DPP6: variants seen among roughly 807,000 people sequenced by gnomAD.
DPP6 encodes A-type potassium channel modulatory protein DPP6.
In DPP6, 69 loss-of-function variants were observed where a neutral mutation model predicts 122.6. That is an observed-to-expected ratio of 0.56 (90% CI 0.46 to 0.69). DPP6 has a LOEUF of 0.69. DPP6 is among the 30% of genes least tolerant of loss of function. DPP6 has a pLI of 0.00. For synonymous variants in DPP6, 418 were observed against 433.1 expected, an observed-to-expected ratio of 0.97 and a Z score of 0.43; for missense variants, 928 against 1,116.9, an observed-to-expected ratio of 0.83 and a Z score of 2.41.
intron 1 of DPP6, among the ~76,000 whole-genome samples, chr7:153,973,109 C>A (rs561665810): frequency 1.3e-4 from 20 of 151,694 alleles, no homozygotes; most frequent in African/African-American, 4.6e-4. Context: ...CATATTAATA[C>A]AAGTCGCAAA....
intron 7 of DPP6, among the ~76,000 whole-genome samples, chr7:154,671,758 T>C (rs1838570474): frequency 6.6e-6 from 1 of 152,174 alleles, no homozygotes. Flanking sequence ...GATAAGTGAT[T>C]ATAGAAGTTA....
rs553835702 is a variant in DPP6, at chr7:154,183,626, G to A, written c.243+130563G>A. On this transcript the variant is annotated intron_variant, in intron 1 of 25. Coordinates refer to ENST00000377770, the MANE Select transcript of DPP6 (RefSeq NM_130797.4). ...TTCCTTCCTCCATGACTGAAGGCTT[G>A]CGTGGTTCCCACACCCTGCTGGGCA... 1.2e-4 allele frequency among the ~76,000 whole-genome samples: 18 copies of A among 152,268 alleles called. 1 individual carries two copies. The highest frequency in any genetic ancestry group is 4.3e-4 in the African/African-American group (18 of 41,548).
chr7:153,774,949 G>A, the DPP6 span, among the ~76,000 whole-genome samples: 1 of 151,878 alleles, frequency 6.6e-6, no homozygotes, highest in Non-Finnish European at 1.5e-5. Context: ...GCAGTGTTCT[G>A]GGTAACAGAG....
At chr7:153,842,511 C>T in the DPP6 span, among the ~76,000 whole-genome samples, 1 of 151,544 alleles carries the variant, frequency 6.6e-6, no homozygotes, top group Non-Finnish European at 1.5e-5. Flanking sequence ...TGGCTTCTGC[C>T]TGTTTAATCA....
rs117671187 is a variant in DPP6, at chr7:154,285,596, A to G, written c.244-160618A>G. On this transcript the variant is annotated intron_variant, in intron 1 of 25. Transcript: ENST00000377770. ...TAGTTTTATTATATCATTTTAGGTTATTATAAAATCACAGCCATAGTAACT... is the reference window on the plus strand; with the variant it reads ...TAGTTTTATTATATCATTTTAGGTTGTTATAAAATCACAGCCATAGTAACT... Among the ~76,000 whole-genome samples the G allele has an allele frequency of 7.3e-3, 1,113 of 152,282 alleles. 12 individuals carry two copies. The highest frequency in any genetic ancestry group is 0.032 in the East Asian group (167 of 5,188).
chr7:154,769,500 G>A lies in DPP6; in HGVS notation c.967G>A (p.Val323Ile). ...LAYAAINDSR[V>I]PIMELPTYTG... is the part of the protein sequence containing the mutation. ...CTACGCCGCCATCAATGATTCCCGT[G>A]TCCCCATCATGGAGCTCCCAACTTA... is the stretch of plus-strand genomic sequence containing the variant. Residue 323 changes from valine to isoleucine, a missense_variant, in exon 9 of 26, where the codon GTC becomes ATC. Physicochemically the swap from Val to Ile is conservative, Grantham distance 29 (BLOSUM62 3). Coordinates refer to ENST00000377770, the MANE Select transcript of DPP6 (RefSeq NM_130797.4). 5 of 1,613,580 alleles carry A rather than the reference G, an allele frequency of 3.1e-6. No individual in the cohort carries two copies. Among genetic ancestry groups the A allele is most frequent in the Non-Finnish European group, 4.2e-6 (5 of 1,179,806 alleles).
chr7:154,350,713 C>G (rs537277783), intron 1 of DPP6, among the ~76,000 whole-genome samples: 1 of 152,172 alleles, frequency 6.6e-6, no homozygotes, highest in Non-Finnish European at 1.5e-5. Flanking sequence ...TGCATGGTAA[C>G]AGACCACCAG....
intron 16 of DPP6, among the ~76,000 whole-genome samples, chr7:154,807,418 A>G (rs28445230): frequency 6.6e-6 from 1 of 152,202 alleles, no homozygotes; most frequent in Non-Finnish European, 1.5e-5. Context: ...TAATAGTCCC[A>G]TGAGCTAGGA....
Position 154,693,625 on chromosome 7 carries a change from G to A in DPP6, c.762+24184G>A, listed in dbSNP as rs138891313. ...GACTTTGGGCTTCTTCTGAACCCGCGGAGCCCTGAAACACCAATAGGCCCA... is the reference window on the plus strand; with the variant it reads ...GACTTTGGGCTTCTTCTGAACCCGCAGAGCCCTGAAACACCAATAGGCCCA... On this transcript the variant is annotated intron_variant, in intron 7 of 25. Coordinates refer to ENST00000377770, the MANE Select transcript of DPP6 (RefSeq NM_130797.4). Among the ~76,000 whole-genome samples the A allele has an allele frequency of 2.5e-3, 386 of 152,236 alleles. 3 individuals are homozygous for A. The highest frequency in any genetic ancestry group is 6.8e-3 in the Middle Eastern group (2 of 294).
chr7:154,126,700 A>G (rs925289574), intron 1 of DPP6, among the ~76,000 whole-genome samples: 1 of 151,502 alleles, frequency 6.6e-6, no homozygotes, highest in Non-Finnish European at 1.5e-5. Context: ...TGCACCTGGA[A>G]ATGGGGTTGA....
chr7:153,757,162 C>T, the DPP6 span, among the ~76,000 whole-genome samples: 1 of 152,130 alleles, frequency 6.6e-6, no homozygotes, highest in African/African-American at 2.4e-5. Context: ...GCATGCCCTC[C>T]CTCATCTTTA....
rs574027085 is a variant in DPP6, at chr7:153,967,228, C to A, written c.51+79494C>A. Among the ~76,000 whole-genome samples, 248 of 152,178 alleles carry A rather than the reference C, an allele frequency of 1.6e-3. 3 individuals are homozygous for A. The highest frequency in any genetic ancestry group is 4.1e-4 in the Non-Finnish European group (28 of 68,014). On this transcript the variant is annotated intron_variant, in intron 1 of 25. Transcript: ENST00000404039. ...CATCCTGTGCTGGGGATGCTGGTGG[C>A]TTTGGGCTTGTGTTTAGATTTGCAG... is the stretch of plus-strand genomic sequence containing the variant.
intron 1 of DPP6, among the ~76,000 whole-genome samples, chr7:153,997,245 C>T (rs544278095): frequency 1.8e-3 from 281 of 152,268 alleles, no homozygotes; most frequent in Non-Finnish European, 1.9e-3. Context: ...CACTCCACTC[C>T]CCACTCACCA....
intron 1 of DPP6, among the ~76,000 whole-genome samples, chr7:154,108,722 C>G (rs1368242584): frequency 6.6e-6 from 1 of 152,212 alleles, no homozygotes; most frequent in Non-Finnish European, 1.5e-5. Flanking sequence ...CAACAACTCA[C>G]CCATTCCTTC....
At chr7:154,402,661 G>A (rs186710639) in intron 1 of DPP6, among the ~76,000 whole-genome samples, 6,576 of 149,020 alleles carry the variant, frequency 0.044, 482 homozygotes, top group African/African-American at 0.15. Context: ...TGACGAGTTA[G>A]TGGGTGCAGC....
chr7:153,830,099 A>G, the DPP6 span, among the ~76,000 whole-genome samples: 5 of 152,250 alleles, frequency 3.3e-5, no homozygotes, highest in Non-Finnish European at 7.3e-5. Context: ...TTTGGGCTCA[A>G]CAATAATGTA....
chr7:154,588,258 G>T, intron 5 of DPP6: 2 of 1,163,110 alleles, frequency 1.7e-6, no homozygotes, highest in African/African-American at 3.1e-5. Context: ...CAAATGGCCT[G>T]TTCTCAGAGA....
At chr7:154,761,019 G>C (rs888383495) in intron 8 of DPP6, among the ~76,000 whole-genome samples, 3 of 152,060 alleles carry the variant, frequency 2.0e-5, no homozygotes, top group Non-Finnish European at 2.9e-5. Context: ...ATTTTTAGTA[G>C]AGACAGGGTT....
the DPP6 span, among the ~76,000 whole-genome samples, chr7:153,770,157 G>A: frequency 1.3e-5 from 2 of 152,116 alleles, no homozygotes; most frequent in Non-Finnish European, 1.5e-5. Flanking sequence ...GGAATAAAAA[G>A]TCTTAATCTG....
Sources: gnomAD v4.1 joint callset for allele counts (sites outside exome capture counted in the v4.1 genomes callset) on GRCh38, gnomAD v4.1.1 for gene constraint, MANE v1.5 for transcripts, NCBI Gene and HGNC (gene_info 2026-07-23, HGNC 2026-07-21) for gene names.